TPI1: variants seen among roughly 807,000 people sequenced by gnomAD.
TPI1 encodes triosephosphate isomerase 1.
In TPI1, 11 loss-of-function variants were observed where a neutral mutation model predicts 31.0. The ratio of observed to expected loss-of-function variants is 0.36; its 90% CI spans 0.22 to 0.59. TPI1 has a LOEUF of 0.59. Ranked by LOEUF, TPI1 falls within the 20% of genes least tolerant of loss-of-function variation. The probability of loss-of-function intolerance (pLI) is 0.79; values close to 1 mark genes in which losing one functional copy is unlikely to be tolerated. For synonymous variants in TPI1, 121 were observed against 122.8 expected, an observed-to-expected ratio of 0.99 and a Z score of 0.10; for missense variants, 245 against 319.7, an observed-to-expected ratio of 0.77 and a Z score of 1.78.
intron 6 of TPI1, 50 bp downstream of exon 6, chr12:6,870,186 T>G (rs781876052): frequency 6.3e-7 from 1 of 1,599,842 alleles, no homozygotes; most frequent in South Asian, 1.1e-5. Context: ...AGGACTAGAC[T>G]GAGCCCTCGG....
In TPI1 at chr12:6,868,312, T is replaced by A. The variant is rs781984063; in HGVS notation, c.116-552T>A. ...TGGAAACAGCAAAGCGCAAGGCCTC[T>A]GAGTCAGTTAGGTCTCTGCCACCCA... On this transcript the variant is annotated intron_variant, in intron 1 of 6. Transcript: ENST00000396705. 21 of 1,287,620 alleles carry A rather than the reference T, an allele frequency of 1.6e-5. No individual in the cohort carries two copies. In the East Asian group the frequency reaches 7.2e-4, roughly 44 times the overall value. The allele number at this position is 1,287,620 out of a possible 1,614,324, so 79.8% of individuals were successfully genotyped here. A position where few individuals can be genotyped will look rare whatever the true frequency, so the allele number is the denominator to read the frequency against.
chr12:6,869,477 C>G (rs1944535574), intron 4 of TPI1, 87 bp downstream of exon 4: 2 of 1,597,524 alleles, frequency 1.3e-6, no homozygotes, highest in South Asian at 2.2e-5. Context: ...TGTCTTGGTC[C>G]CCATGCTGAT....
At chr12:6,868,443 C>T (rs1368127087) in intron 1 of TPI1, 2 of 1,290,334 alleles carry the variant, frequency 1.5e-6, no homozygotes, top group Non-Finnish European at 2.0e-6. Context: ...TCCCCAGAGG[C>T]CTCAATACAA....
chr12:6,868,737 A>T (rs1474100789), intron 1 of TPI1, 127 bp from the exon 2 acceptor site: 1 of 1,467,886 alleles, frequency 6.8e-7, no homozygotes, highest in Admixed American at 2.0e-5. Flanking sequence ...TGCTGGGGTG[A>T]AAAGGGGGAG....
chr12:6,868,171 G>C (rs1555131805), intron 1 of TPI1: 1 of 1,288,082 alleles, frequency 7.8e-7, no homozygotes, highest in Admixed American at 2.3e-5. Flanking sequence ...CCCCAGATCT[G>C]ACCCCTTCCC....
chr12:6,867,650 T>A lies in TPI1; in HGVS notation c.84T>A (p.Thr28=), dbSNP rs1944486441. 3 of 1,610,608 alleles carry A rather than the reference T, an allele frequency of 1.9e-6. No homozygotes were observed. The East Asian group carries it at 6.7e-5, about 36-fold the overall frequency. ...AGAGTCTGGGGGAGCTCATCGGCAC[T>A]CTGAACGCGGCCAAGGTGCCGGCCG... The part of the protein sequence containing the change: ...RKQSLGELIG[T]LNAAKVPADT... The change falls in exon 1 of 7, where the codon ACT becomes ACA. Residue 28 remains threonine (T), a synonymous_variant. Coordinates refer to ENST00000396705, the MANE Select transcript of TPI1 (RefSeq NM_000365.6).
chr12:6,868,308 C>T (rs1944505353), intron 1 of TPI1: 1 of 1,287,634 alleles, frequency 7.8e-7, no homozygotes, highest in Non-Finnish European at 1.0e-6. Context: ...AAGCGCAAGG[C>T]CTCTGAGTCA....
chr12:6,869,533 G>A, intron 4 of TPI1, 143 bp downstream of exon 4: 1 of 1,493,502 alleles, frequency 6.7e-7, no homozygotes, highest in South Asian at 1.1e-5. Flanking sequence ...TTTGCTTGGG[G>A]CCTATGACTT....
rs147494826 is a variant in TPI1, at chr12:6,867,858, C to A, written c.115+177C>A. ...AGGGGCCTCGCAGCCGCAGCCCCGT[C>A]GGTGCGTCGAGGGGGCAGGGCGGAG... On this transcript the variant is annotated intron_variant, in intron 1 of 6. Transcript: ENST00000396705. Among the ~76,000 whole-genome samples the A allele has an allele frequency of 8.4e-3, 1,275 of 152,198 alleles. 10 individuals carry two copies. Among genetic ancestry groups the A allele is most frequent in the African/African-American group, 0.029 (1,190 of 41,528 alleles).
At chr12:6,868,371 TCCCTCCA>T in intron 1 of TPI1, 1 of 1,287,872 alleles carries the variant, frequency 7.8e-7, no homozygotes, top group African/African-American at 1.5e-5. Context: ...TCCTCCTTCC[TCCCTCCA>T]CCGAAATCGG....
In TPI1 at chr12:6,868,038, C is replaced by T. The variant is rs1299528654; in HGVS notation, c.115+357C>T. ...CGGGAGACCGGGGGAGGCTGGGCCGCGTGGGCTTCCCGCTCCCTGCGCCCT... is the reference window on the plus strand; with the variant it reads ...CGGGAGACCGGGGGAGGCTGGGCCGTGTGGGCTTCCCGCTCCCTGCGCCCT... On this transcript the variant is annotated intron_variant, in intron 1 of 6. Coordinates refer to ENST00000396705, the MANE Select transcript of TPI1 (RefSeq NM_000365.6). 6 of 1,221,008 alleles carry T rather than the reference C, an allele frequency of 4.9e-6. No homozygotes were observed. The African/African-American group carries it at 6.4e-5, about 13-fold the overall frequency. The allele number at this position is 1,221,008 out of a possible 1,614,324, so 75.6% of individuals were successfully genotyped here. A position where few individuals can be genotyped will look rare whatever the true frequency, so the allele number is the denominator to read the frequency against.
At chr12:6,868,558 T>C (rs1484107436) in intron 1 of TPI1, 8 of 1,302,594 alleles carry the variant, frequency 6.1e-6, no homozygotes, top group Non-Finnish European at 7.9e-6. Context: ...CCCTGGAGAA[T>C]GCTGAGTCTG....
At position 6,867,565 on chromosome 12, in the gene TPI1, C is replaced by A; in HGVS notation, c.-2C>A. 2 of 1,612,248 alleles carry A rather than the reference C, an allele frequency of 1.2e-6. No homozygotes were observed. The highest frequency in any genetic ancestry group is 1.7e-6 in the Non-Finnish European group (2 of 1,179,566). Reference sequence around the variant, plus strand: ...GACCTTCAGCGCCTCGGCTCCAGCGCCATGGCGCCCTCCAGGAAGTTCTTC... The same window carrying A: ...GACCTTCAGCGCCTCGGCTCCAGCGACATGGCGCCCTCCAGGAAGTTCTTC... On this transcript the variant is annotated 5_prime_UTR_variant, in exon 1 of 7. Coordinates refer to ENST00000396705, the MANE Select transcript of TPI1 (RefSeq NM_000365.6).
Position 6,868,987 on chromosome 12 carries a change from G to A in TPI1, c.239G>A (p.Ser80Asn), listed in dbSNP as rs1944518792. 1 of 1,614,124 alleles carries A rather than the reference G, an allele frequency of 6.2e-7. No individual in the cohort carries two copies. Among genetic ancestry groups the A allele is most frequent in the Non-Finnish European group, 8.5e-7 (1 of 1,180,054 alleles). ...VTNGAFTGEI[S>N]PGMIKDCGAT... ...AATGGGGCTTTTACTGGGGAGATCA[G>A]GTGAGATCGAGGTGGAGAGGGGTGT... The change falls in exon 2 of 7, where the codon AGC becomes AAC. Residue 80 changes from serine (S) to asparagine (N), a missense_variant and splice_region_variant. This residue lies in a region of TPI1 where 23 missense variants were observed against 59.6 expected (regional missense o/e 0.39). Transcript: ENST00000396705.
chr12:6,870,922 A>C lies in TPI1; in HGVS notation c.*539A>C, dbSNP rs926534835. On this transcript the variant is annotated 3_prime_UTR_variant, in exon 7 of 7. Coordinates refer to ENST00000396705, the MANE Select transcript of TPI1 (RefSeq NM_000365.6). ...GATCATTTGTGCAAGAAAAAAAAAA[A>C]AACAAGAACAGGTTTCTATAACAAC... 30 of 651,642 alleles carry C rather than the reference A, an allele frequency of 4.6e-5. 1 individual carries two copies. Among genetic ancestry groups the C allele is most frequent in the Non-Finnish European group, 8.1e-5 (29 of 359,854 alleles). 40.4% of individuals were successfully genotyped at this position (651,642 alleles called of 1,614,324 possible).
rs201871949 is a variant in TPI1, at chr12:6,870,911, G to GAAA, written c.*539_*541dup. ...GCTATATAAATGATCATTTGTGCAA[G>GAAA]AAAAAAAAAAAAACAAGAACAGGTT... On this transcript the variant is annotated 3_prime_UTR_variant, in exon 7 of 7. Transcript: ENST00000396705. The GAAA allele has an allele frequency of 6.8e-5, 37 of 543,282 alleles. No homozygotes were observed. The highest frequency in any genetic ancestry group is 2.2e-4 in the East Asian group (6 of 26,794). 33.7% of individuals were successfully genotyped at this position (543,282 alleles called of 1,614,324 possible).
At position 6,870,360 on chromosome 12, in the gene TPI1, G is replaced by T. The variant is rs782053705; in HGVS notation, c.727G>T (p.Asp243Tyr). The T allele has an allele frequency of 6.2e-7, 1 of 1,613,660 alleles. No homozygotes were observed. The highest frequency in any genetic ancestry group is 2.2e-5 in the East Asian group (1 of 44,872). The change falls in exon 7 of 7, where the codon GAC becomes TAC. Residue 243 changes from aspartate (D) to tyrosine (Y), a missense_variant. Coordinates refer to ENST00000396705, the MANE Select transcript of TPI1 (RefSeq NM_000365.6). ...GGASLKPEFV[D>Y]IINAKQ ...TGCTTCCCTCAAGCCCGAATTCGTG[G>T]ACATCATCAATGCCAAACAATGAGC...
At chr12:6,867,425 G>C (rs1944479760), upstream of TPI1, 2 of 1,453,190 alleles carry the variant, frequency 1.4e-6, no homozygotes, top group East Asian at 2.6e-5. Flanking sequence ...AGGGCGGGCG[G>C]GGGGCAGGGC....
intron 1 of TPI1, chr12:6,868,629 AG>A (rs1414203698): frequency 7.4e-7 from 1 of 1,360,226 alleles, no homozygotes; most frequent in Non-Finnish European, 9.7e-7. Context: ...AAAAGAGCAG[AG>A]GGCAGGGTGA....
Sources: gnomAD v4.1 joint callset for allele counts (sites outside exome capture counted in the v4.1 genomes callset) on GRCh38, gnomAD v4.1.1 for gene constraint, gnomAD v4.1.1 regional missense constraint, MANE v1.5 for transcripts, NCBI Gene and HGNC (gene_info 2026-07-23, HGNC 2026-07-21) for gene names.